Variants in SEZ6 observed in about 807,000 individuals in gnomAD.
SEZ6 encodes the protein seizure related 6 homolog, also known as seizure protein 6 homolog.
Under a neutral mutation model 101.0 loss-of-function variants are expected in SEZ6, and 53 were observed. That is an observed-to-expected ratio of 0.52 (90% CI 0.42 to 0.66). The LOEUF (loss-of-function observed/expected upper bound fraction) is 0.66, where lower values mean the gene tolerates loss of function less well. Among genes scored for constraint, SEZ6 ranks in the 30% least tolerant of loss-of-function variants. The pLI is 0.00. For missense variants in SEZ6, 1,102 were observed against 1,289.4 expected, an observed-to-expected ratio of 0.85 and a Z score of 2.23; for synonymous variants, 488 against 512.2, an observed-to-expected ratio of 0.95 and a Z score of 0.64.
intron 1 of SEZ6, among the ~76,000 whole-genome samples, chr17:28,985,455 G>C (rs994251102): frequency 6.6e-6 from 1 of 152,216 alleles, no homozygotes. Flanking sequence ...ACAGACCTGG[G>C]TTCAAGTGTC....
rs1410593338 is a variant in SEZ6 at position 28,964,187 on chromosome 17, G to T, written c.1055-40C>A. The T allele has an allele frequency of 4.0e-6, 6 of 1,501,550 alleles. No homozygotes were observed. In the African/African-American group the frequency reaches 4.2e-5, roughly 10 times the overall value. The allele number at this position is 1,501,550 out of a possible 1,614,324, so 93.0% of individuals were successfully genotyped here. On this transcript the variant is annotated intron_variant, in intron 4 of 16. Coordinates refer to ENST00000317338, the MANE Select transcript of SEZ6 (RefSeq NM_178860.5). ...CGGGTGACACTGTGTATGTGTGCAGGGTGGGGGCGGGAGCTGGGCCATTGG... is the reference window on the plus strand; with the variant it reads ...CGGGTGACACTGTGTATGTGTGCAGTGTGGGGGCGGGAGCTGGGCCATTGG...
intron 7 of SEZ6, 82 bp downstream of exon 7, chr17:28,960,423 G>A (rs1454535715): frequency 6.6e-7 from 1 of 1,513,080 alleles, no homozygotes; most frequent in East Asian, 2.5e-5. Context: ...AGGCAGAGAG[G>A]GGTAGGGTGT....
chr17:28,989,941 G>A (rs185613531), intron 1 of SEZ6, among the ~76,000 whole-genome samples: 5 of 152,240 alleles, frequency 3.3e-5, no homozygotes, highest in African/African-American at 1.2e-4. Context: ...GCGTGGTGGT[G>A]CACACCTGTA....
At chr17:28,965,793 T>C (rs1294084941) in intron 4 of SEZ6, among the ~76,000 whole-genome samples, 2 of 152,108 alleles carry the variant, frequency 1.3e-5, no homozygotes, top group African/African-American at 2.4e-5. Flanking sequence ...TGGCAGCAAA[T>C]CCTACAAAAC....
chr17:28,995,658 C>T (rs182469723), intron 1 of SEZ6, among the ~76,000 whole-genome samples: 18 of 152,290 alleles, frequency 1.2e-4, no homozygotes, highest in East Asian at 1.9e-4. Context: ...AGATGGCCTG[C>T]GACCAGAGGA....
chr17:28,956,094 T>C, intron 16 of SEZ6, 65 bp downstream of exon 16: 2 of 1,593,352 alleles, frequency 1.3e-6, no homozygotes, highest in Non-Finnish European at 1.7e-6. Context: ...CCCTCAGGGT[T>C]ATCTGCCCAA....
rs146469984 is a variant in SEZ6 at position 28,988,824 on chromosome 17, A to C, written c.56-6785T>G. ...CCCTCCCTCACTTACCCAAGAGGAA[A>C]CCAAGTCCAGGGGGTTTTCCCAAGT... On this transcript the variant is annotated intron_variant, in intron 1 of 16. Coordinates refer to ENST00000317338, the MANE Select transcript of SEZ6 (RefSeq NM_178860.5). 7.2e-3 allele frequency among the ~76,000 whole-genome samples: 1,092 copies of C among 152,300 alleles called. 13 individuals carry two copies. Among genetic ancestry groups the C allele is most frequent in the African/African-American group, 0.025 (1,045 of 41,568 alleles).
intron 1 of SEZ6, among the ~76,000 whole-genome samples, chr17:28,998,575 G>A (rs1196198835): frequency 1.3e-5 from 2 of 152,060 alleles, no homozygotes; most frequent in Non-Finnish European, 2.9e-5. Context: ...CTCTTTAATG[G>A]AACAGCATCA....
intron 3 of SEZ6, among the ~76,000 whole-genome samples, chr17:28,974,381 C>A (rs1238593953): frequency 6.6e-6 from 1 of 152,134 alleles, no homozygotes; most frequent in East Asian, 1.9e-4. Flanking sequence ...ACCCACCAAT[C>A]CAAACTCTCA....
At chr17:28,975,533 A>G (rs1027846046) in intron 3 of SEZ6, among the ~76,000 whole-genome samples, 7 of 152,230 alleles carry the variant, frequency 4.6e-5, no homozygotes, top group Admixed American at 2.6e-4. Context: ...GCACTTATCC[A>G]GAAAACCTTA....
intron 3 of SEZ6, among the ~76,000 whole-genome samples, chr17:28,976,231 C>T (rs2041218638): frequency 1.3e-5 from 2 of 152,208 alleles, no homozygotes; most frequent in Admixed American, 6.5e-5. Context: ...TTATGAGAGG[C>T]TGTGGTCCAA....
chr17:28,982,142 C>T, intron 1 of SEZ6, 103 bp from the exon 2 acceptor site: 2 of 1,439,928 alleles, frequency 1.4e-6, no homozygotes, highest in Non-Finnish European at 1.8e-6. Flanking sequence ...GACAGACAGC[C>T]CTGAGGAGCG....
chr17:28,995,658 C>A (rs182469723), intron 1 of SEZ6, among the ~76,000 whole-genome samples: 4 of 152,172 alleles, frequency 2.6e-5, no homozygotes, highest in African/African-American at 9.7e-5. Flanking sequence ...AGATGGCCTG[C>A]GACCAGAGGA....
At chr17:28,998,141 G>A (rs890211160) in intron 1 of SEZ6, among the ~76,000 whole-genome samples, 3 of 152,106 alleles carry the variant, frequency 2.0e-5, no homozygotes, top group Non-Finnish European at 2.9e-5. Flanking sequence ...GAGGAGGGAT[G>A]GGGCTGGAAG....
rs1470682856 is a variant in SEZ6 at position 28,960,562 on chromosome 17, C to A, written c.1519G>T (p.Val507Phe). 6.3e-7 allele frequency: 1 copy of A among 1,594,224 alleles called. No individual in the cohort carries two copies. Among genetic ancestry groups the A allele is most frequent in the Non-Finnish European group, 8.5e-7 (1 of 1,170,764 alleles). The change falls in exon 7 of 17, where the codon GTT (valine) becomes TTT (phenylalanine). Residue 507 changes from valine (V) to phenylalanine (F), a missense_variant. Transcript: ENST00000317338. ...CCGCTGCTGTCAGTACTGAGCTCAA[C>A]AAAGAAGTGTTTGCCAGAGCTGAGC... ...GLLSSGKHFFVELSTDSSGAA... is the reference protein window; with the variant it reads ...GLLSSGKHFFFELSTDSSGAA...
chr17:28,957,820 T>C (rs575200722), intron 11 of SEZ6, 127 bp downstream of exon 11: 6 of 1,106,234 alleles, frequency 5.4e-6, no homozygotes, highest in Non-Finnish European at 7.7e-6. Flanking sequence ...ATGAGGAAAC[T>C]GAGGCTATAA....
chr17:28,986,227 A>G (rs569564469), intron 1 of SEZ6, among the ~76,000 whole-genome samples: 1 of 152,142 alleles, frequency 6.6e-6, no homozygotes, highest in African/African-American at 2.4e-5. Context: ...TCCCCGGTGG[A>G]TTCTCTCCCG....
chr17:28,984,388 C>T (rs1045945525), intron 1 of SEZ6, among the ~76,000 whole-genome samples: 4 of 152,206 alleles, frequency 2.6e-5, no homozygotes, highest in African/African-American at 9.7e-5. Flanking sequence ...ATTGTTTATG[C>T]GGCCCCTTTC....
intron 3 of SEZ6, among the ~76,000 whole-genome samples, chr17:28,976,819 C>T (rs975858929): frequency 2.0e-5 from 3 of 152,218 alleles, no homozygotes; most frequent in African/African-American, 7.2e-5. Flanking sequence ...CTGCCCAGGC[C>T]AGACTTGGCT....
Sources: gnomAD v4.1 joint callset for allele counts (sites outside exome capture counted in the v4.1 genomes callset) on GRCh38, gnomAD v4.1.1 for gene constraint, MANE v1.5 for transcripts, NCBI Gene and HGNC (gene_info 2026-07-23, HGNC 2026-07-21) for gene names.